Variants in PPP2R2C observed in about 807,000 individuals in gnomAD.
PPP2R2C encodes protein phosphatase 2, regulatory subunit B, gamma.
PPP2R2C carries 10 observed loss-of-function variants against 45.3 expected under a neutral mutation model. The observed-to-expected ratio is 0.22, with a 90% CI of 0.14 to 0.37. PPP2R2C has a LOEUF of 0.37. Ranked by LOEUF, PPP2R2C falls within the 10% of genes least tolerant of loss-of-function variation. The pLI, the probability that PPP2R2C is intolerant of heterozygous loss-of-function variation, is 1.00. For synonymous variants in PPP2R2C, 257 were observed against 245.4 expected (o/e 1.05, Z -0.44); for missense variants, 308 against 619.7 (o/e 0.50, Z 5.34).
chr4:6,365,315 G>C (rs775248303), intron 5 of PPP2R2C, among the ~76,000 whole-genome samples: 12 of 152,220 alleles, frequency 7.9e-5, no homozygotes, highest in Non-Finnish European at 1.5e-4. Flanking sequence ...CGTGAACAGA[G>C]CATTTCTGAG....
rs1003413350 is a variant in PPP2R2C, at chr4:6,331,006, G to A, written c.961-1653C>T. On this transcript the variant is annotated intron_variant, in intron 7 of 8. Coordinates refer to ENST00000382599, the MANE Select transcript of PPP2R2C (RefSeq NM_020416.4). This position sits in a 1 kb window ranked among gnomAD's most constrained non-coding sequence, Gnocchi z 5.9. ...GAGGCCGAGGTTCTTCCTTCTCTCT[G>A]GGTCCAGGGTCTAGCACTGTGTTGG... 6.6e-6 allele frequency among the ~76,000 whole-genome samples: 1 copy of A among 152,134 alleles called. No individual in the cohort carries two copies. The highest frequency in any genetic ancestry group is 2.4e-5 in the African/African-American group (1 of 41,420).
chr4:6,380,421 G>A (rs1423513033), intron 2 of PPP2R2C: 1 of 152,926 alleles, frequency 6.5e-6, no homozygotes, highest in African/African-American at 2.4e-5. Flanking sequence ...GGGGGTGGGG[G>A]TGAGGACAGG....
At chr4:6,403,865 A>G (rs1336245167) in intron 1 of PPP2R2C, among the ~76,000 whole-genome samples, 3 of 23,306 alleles carry the variant, frequency 1.3e-4, no homozygotes, top group East Asian at 0.018. Flanking sequence ...TCCGCCTCAG[A>G]AAAAAAAAAA....
intron 1 of PPP2R2C, among the ~76,000 whole-genome samples, chr4:6,562,553 C>T (rs1725614809): frequency 6.6e-6 from 1 of 152,096 alleles, no homozygotes; most frequent in South Asian, 2.1e-4. Flanking sequence ...TACCCCGGTC[C>T]ACCAGCCCTC....
intron 1 of PPP2R2C, among the ~76,000 whole-genome samples, chr4:6,434,225 C>A (rs1227588962): frequency 6.6e-6 from 1 of 152,188 alleles, no homozygotes; most frequent in African/African-American, 2.4e-5. Flanking sequence ...TCCACTATCA[C>A]GCTCTGGAAT....
intron 1 of PPP2R2C, among the ~76,000 whole-genome samples, chr4:6,418,427 A>C (rs937256078): frequency 1.3e-5 from 2 of 152,170 alleles, no homozygotes; most frequent in Non-Finnish European, 2.9e-5. Context: ...GCCAGAATTC[A>C]AGTCTGGGTC....
intron 1 of PPP2R2C, among the ~76,000 whole-genome samples, chr4:6,398,948 G>A (rs1314885070): frequency 6.6e-6 from 1 of 152,130 alleles, no homozygotes; most frequent in Non-Finnish European, 1.5e-5. Flanking sequence ...GCAACCAGGG[G>A]GAAGTTCAAA....
rs542130535 is a variant in PPP2R2C at position 6,358,482 on chromosome 4, A to T, written c.626-10472T>A. On this transcript the variant is annotated intron_variant, in intron 5 of 8. Coordinates refer to ENST00000382599, the MANE Select transcript of PPP2R2C (RefSeq NM_020416.4). ...AATGGCAACAAAAGCCAAAATAGAC[A>T]AATGGGATCTAATTAAACTAAAGAG... Among the ~76,000 whole-genome samples the T allele has an allele frequency of 4.6e-5, 7 of 151,918 alleles. No individual in the cohort carries two copies. The South Asian group carries it at 1.5e-3, about 32-fold the overall frequency.
intron 1 of PPP2R2C, among the ~76,000 whole-genome samples, chr4:6,454,953 A>G (rs4689445): frequency 0.98 from 149,910 of 152,286 alleles, 73,833 homozygotes; most frequent in Middle Eastern, 1. Context: ...TTATGCCTGC[A>G]GAGATAGGTG....
chr4:6,406,181 C>CTGAA (rs1717782069), intron 1 of PPP2R2C, among the ~76,000 whole-genome samples: 1 of 152,158 alleles, frequency 6.6e-6, no homozygotes, highest in Admixed American at 6.5e-5. Flanking sequence ...GTTTGCCTTC[C>CTGAA]TGAATGTGTC....
At chr4:6,373,965 G>C (rs1487725584) in intron 4 of PPP2R2C, among the ~76,000 whole-genome samples, 5 of 151,828 alleles carry the variant, frequency 3.3e-5, no homozygotes, top group Admixed American at 6.6e-5. Flanking sequence ...CCTGGCTCTG[G>C]GTGGTTCTTG....
chr4:6,416,067 T>G (rs1173006675), intron 1 of PPP2R2C, among the ~76,000 whole-genome samples: 1 of 143,524 alleles, frequency 7.0e-6, no homozygotes, highest in Non-Finnish European at 1.5e-5. Flanking sequence ...GTCTTTCTAT[T>G]TGGATTTCTC....
At chr4:6,407,973 A>T (rs1255108433) in intron 1 of PPP2R2C, among the ~76,000 whole-genome samples, 1 of 152,230 alleles carries the variant, frequency 6.6e-6, no homozygotes, top group Non-Finnish European at 1.5e-5. Flanking sequence ...CAGAATGTAA[A>T]ATGTCTCAAT....
intron 4 of PPP2R2C, among the ~76,000 whole-genome samples, chr4:6,373,212 C>T (rs1390217966): frequency 6.6e-6 from 1 of 152,196 alleles, no homozygotes; most frequent in African/African-American, 2.4e-5. Flanking sequence ...AGGACCCAAG[C>T]CTTAGGGACT....
intron 2 of PPP2R2C, among the ~76,000 whole-genome samples, chr4:6,510,598 G>A (rs1198362003): frequency 5.3e-5 from 8 of 152,010 alleles, no homozygotes; most frequent in East Asian, 1.9e-4. Context: ...ACACACGCAC[G>A]CACACACGCA....
rs533057893 is a variant in PPP2R2C, at chr4:6,371,985, T to C, written c.625+538A>G. On this transcript the variant is annotated intron_variant, in intron 5 of 8. Coordinates refer to ENST00000382599, the MANE Select transcript of PPP2R2C (RefSeq NM_020416.4). Reference sequence around the variant, plus strand: ...CCCAGCAGTCGGCGGGAATCGTCAATGCTGCTGCTTCCCCTAGCTTGCCCT... The same window carrying C: ...CCCAGCAGTCGGCGGGAATCGTCAACGCTGCTGCTTCCCCTAGCTTGCCCT... Among the ~76,000 whole-genome samples, 10 of 152,248 alleles carry C rather than the reference T, an allele frequency of 6.6e-5. No homozygotes were observed. The South Asian group carries it at 1.7e-3, about 25-fold the overall frequency.
chr4:6,398,341 G>A (rs531113488), intron 1 of PPP2R2C, among the ~76,000 whole-genome samples: 1 of 151,946 alleles, frequency 6.6e-6, no homozygotes, highest in Admixed American at 6.6e-5. Context: ...GAAAATATTC[G>A]TAGTACATGT....
chr4:6,510,990 C>CAAAAAAAAAAAA (rs1389589810), intron 2 of PPP2R2C, among the ~76,000 whole-genome samples: 3 of 130,904 alleles, frequency 2.3e-5, no homozygotes, highest in East Asian at 2.2e-4. Context: ...CAAAAAAAAA[C>CAAAAAAAAAAAA]AAACAAACAA....
Position 6,372,551 on chromosome 4 carries a change from C to T in PPP2R2C, c.597G>A (p.Trp199Ter). The change falls in exon 5 of 9, where the codon TGG becomes TGA. Residue 199 changes from tryptophan to a stop codon, truncating the protein, a stop_gained. Coordinates refer to ENST00000382599, the MANE Select transcript of PPP2R2C (RefSeq NM_020416.4). LOFTEE classifies it high-confidence loss of function. Reference sequence around the variant, plus strand: ...AGCTCCTGTCGGTGATGGCCAGGTGCCAGAGGTTGATGCGCAGGTCATCCG... The same window carrying T: ...AGCTCCTGTCGGTGATGGCCAGGTGTCAGAGGTTGATGCGCAGGTCATCCG... ...MSADDLRINL[W>*]HLAITDRSFN... 6.2e-7 allele frequency: 1 copy of T among 1,614,142 alleles called. No individual in the cohort carries two copies. The highest frequency in any genetic ancestry group is 1.3e-5 in the African/African-American group (1 of 75,044).
Sources: gnomAD v4.1 joint callset for allele counts (sites outside exome capture counted in the v4.1 genomes callset) on GRCh38, gnomAD v4.1.1 for gene constraint, Gnocchi (gnomAD v3.1) non-coding constraint, MANE v1.5 for transcripts, NCBI Gene and HGNC (gene_info 2026-07-23, HGNC 2026-07-21) for gene names.